The following DENND4C variants were observed in gnomAD, a reference collection of about 807,000 sequenced individuals.
DENND4C encodes DENN domain containing 4C, also known as DENN domain-containing protein 4C.
In DENND4C, 108 loss-of-function variants were observed where a neutral mutation model predicts 203.0. The ratio of observed to expected loss-of-function variants is 0.53; its 90% CI spans 0.46 to 0.62. The LOEUF is 0.62. Among genes scored for constraint, DENND4C ranks in the 20% least tolerant of loss-of-function variants. DENND4C has a pLI of 0.00. For synonymous variants in DENND4C, 871 were observed against 792.4 expected, an observed-to-expected ratio of 1.10 and a Z score of -1.67; for missense variants, 2,481 against 2,301.2, an observed-to-expected ratio of 1.08 and a Z score of -1.60.
chr9:19,321,618 G>A (rs1172367983), intron 12 of DENND4C, among the ~76,000 whole-genome samples: 3 of 152,198 alleles, frequency 2.0e-5, no homozygotes, highest in Admixed American at 6.5e-5. Context: ...GCTGAGGCAG[G>A]TGGATCACTT....
At chr9:19,230,575 C>G (rs1177323740), upstream of DENND4C, 1 of 152,170 alleles carries the variant, frequency 6.6e-6, no homozygotes, top group Non-Finnish European at 1.5e-5. Context: ...CGACGCGCCG[C>G]CCGCACTGTC....
At chr9:19,255,266 A>G (rs1039979102) in intron 1 of DENND4C, among the ~76,000 whole-genome samples, 1 of 151,952 alleles carries the variant, frequency 6.6e-6, no homozygotes, top group African/African-American at 2.4e-5. Flanking sequence ...TTAGCTGGAT[A>G]TGGTGGTGCG....
chr9:19,295,422 G>C (rs1198006373), intron 5 of DENND4C, among the ~76,000 whole-genome samples: 3 of 151,982 alleles, frequency 2.0e-5, no homozygotes, highest in Non-Finnish European at 4.4e-5. Flanking sequence ...GGAGAATGGC[G>C]TGAACCCAGG....
At chr9:19,342,807 T>A (rs1345959089) in intron 22 of DENND4C, 28 bp downstream of exon 22, 2 of 1,528,644 alleles carry the variant, frequency 1.3e-6, no homozygotes, top group South Asian at 2.6e-5. Context: ...GGTTATTAAA[T>A]ATTTAAAATA....
chr9:19,282,031 A>G (rs1043099529), intron 2 of DENND4C, among the ~76,000 whole-genome samples: 8 of 152,202 alleles, frequency 5.3e-5, no homozygotes, highest in African/African-American at 1.9e-4. Flanking sequence ...AAGGCCTAGG[A>G]CATTACTGTA....
At chr9:19,266,328 G>GT (rs1363897707) in intron 1 of DENND4C, among the ~76,000 whole-genome samples, 17 of 152,182 alleles carry the variant, frequency 1.1e-4, no homozygotes, top group Admixed American at 3.3e-4. Context: ...TTGTAAATTT[G>GT]TTTAAGTTCT....
chr9:19,262,036 A>G (rs1278012837), intron 1 of DENND4C, among the ~76,000 whole-genome samples: 2 of 114,980 alleles, frequency 1.7e-5, no homozygotes, highest in South Asian at 2.8e-4. Flanking sequence ...ATTTTTGTAT[A>G]TTGATTTTAT....
intron 31 of DENND4C, among the ~76,000 whole-genome samples, chr9:19,370,703 C>A (rs1563850990): frequency 1.3e-5 from 2 of 152,168 alleles, no homozygotes; most frequent in Admixed American, 1.3e-4. Context: ...CAGTGAACTA[C>A]AAAGGATATG....
rs2130960588 is a variant in DENND4C at position 19,279,308 on chromosome 9, A to G, written c.305+2829A>G. On this transcript the variant is annotated intron_variant, in intron 2 of 32. Coordinates refer to ENST00000434457, the MANE Select transcript of DENND4C (RefSeq NM_001330640.2). ...CACACCACTGCACTCCAGCCTCCCT[A>G]ATCCCAACGCTTTGGGAGGCTGAGG... Among the ~76,000 whole-genome samples, 2 of 151,572 alleles carry G rather than the reference A, an allele frequency of 1.3e-5. 1 individual carries two copies. The highest frequency in any genetic ancestry group is 1.3e-4 in the Admixed American group (2 of 15,202).
At chr9:19,299,376 T>C (rs1297505017) in intron 8 of DENND4C, 89 bp downstream of exon 8, 5 of 797,480 alleles carry the variant, frequency 6.3e-6, no homozygotes, top group African/African-American at 1.9e-5. Context: ...ATTAATATAT[T>C]AGTGATTGTT....
chr9:19,276,277 A>G lies in DENND4C; in HGVS notation c.103A>G (p.Lys35Glu). Residue 35 changes from lysine to glutamate, a missense_variant, in exon 2 of 33, where the codon AAG (lysine) becomes GAG (glutamate). Lys to Glu is a moderately conservative substitution (Grantham distance 56). Around this residue, in one of 3 missense-constraint regions of DENND4C, gnomAD observed 187 missense variants for 167.4 expected, o/e 1.12. Coordinates refer to ENST00000434457, the MANE Select transcript of DENND4C (RefSeq NM_001330640.2). ...LDQEINRLDT[K>E]STGPKAPITD... ...TCAAGAAATAAATCGTTTAGATACT[A>G]AGTCAACTGGACCTAAAGCTCCAAT... The G allele has an allele frequency of 1.6e-6, 2 of 1,232,024 alleles. No homozygotes were observed. Among genetic ancestry groups the G allele is most frequent in the Non-Finnish European group, 2.0e-6 (2 of 987,858 alleles). 76.3% of individuals were successfully genotyped at this position (1,232,024 alleles called of 1,614,324 possible).
rs776035832 is a variant in DENND4C at position 19,346,886 on chromosome 9, A to G, written c.4117A>G (p.Thr1373Ala). Residue 1373 changes from threonine (T) to alanine (A), a missense_variant, in exon 23 of 33, where the codon ACT (threonine) becomes GCT (alanine). This residue lies in a region of DENND4C where 2,289 missense variants were observed against 2,113.3 expected (regional missense o/e 1.08). Coordinates refer to ENST00000434457, the MANE Select transcript of DENND4C (RefSeq NM_001330640.2). ...CTCTCGAACTCATAAAGAACGTTCAACTTCTTTGTCAGCACTGGTGCGTTC... is the reference window on the plus strand; with the variant it reads ...CTCTCGAACTCATAAAGAACGTTCAGCTTCTTTGTCAGCACTGGTGCGTTC... The part of the protein sequence containing the change: ...TPSRTHKERS[T>A]SLSALVRSSP... 8 of 1,614,098 alleles carry G rather than the reference A, an allele frequency of 5.0e-6. No individual in the cohort carries two copies. Among genetic ancestry groups the G allele is most frequent in the African/African-American group, 1.3e-5 (1 of 74,934 alleles).
At position 19,358,278 on chromosome 9, in the gene DENND4C, T is replaced by C. The variant is rs1825804393; in HGVS notation, c.5160+118T>C. The C allele has an allele frequency of 1.2e-6, 1 of 828,336 alleles. No homozygotes were observed. Among genetic ancestry groups the C allele is most frequent in the Non-Finnish European group, 1.7e-6 (1 of 579,132 alleles). 51.3% of individuals were successfully genotyped at this position (828,336 alleles called of 1,614,324 possible). ...ATTACATGAAAAGTGATAGAGTTTT[T>C]CCATAAACAAATAACTTTTTATTGT... On this transcript the variant is annotated intron_variant, in intron 28 of 32. Transcript: ENST00000434457. This position sits in a 1 kb window ranked among gnomAD's most constrained non-coding sequence, Gnocchi z 4.8.
intron 1 of DENND4C, among the ~76,000 whole-genome samples, chr9:19,245,448 C>G (rs937128885): frequency 2.4e-5 from 3 of 125,598 alleles, no homozygotes; most frequent in African/African-American, 9.3e-5. Context: ...GCCTGGGCGA[C>G]AGAGTAAGAC....
rs1839435583 is a variant in DENND4C, at chr9:19,305,285, CTAGT to C, written c.1312-64_1312-61del. The C allele has an allele frequency of 2.1e-5, 29 of 1,378,392 alleles. 1 individual carries two copies. In the South Asian group the frequency reaches 3.2e-4, roughly 15 times the overall value. 85.4% of individuals were successfully genotyped at this position (1,378,392 alleles called of 1,614,324 possible). A position where few individuals can be genotyped will look rare whatever the true frequency, so the allele number is the denominator to read the frequency against. ...TTTCAGTGGTCCCTTTTCAGTAATA[CTAGT>C]TACTTATATATTTTTTATTGCAAAT... is the stretch of plus-strand genomic sequence containing the variant. On this transcript the variant is annotated intron_variant, in intron 9 of 32. Transcript: ENST00000434457.
chr9:19,282,709 TTCTC>T (rs202247189), intron 2 of DENND4C, among the ~76,000 whole-genome samples: 78 of 129,470 alleles, frequency 6.0e-4, no homozygotes, highest in Non-Finnish European at 9.8e-4. Context: ...TCTTTTTTTC[TTCTC>T]TCTTTTTTTT....
chr9:19,317,866 TTGGAAGACTTCG>T (rs1434163361), intron 12 of DENND4C, among the ~76,000 whole-genome samples: 2 of 152,362 alleles, frequency 1.3e-5, no homozygotes, highest in African/African-American at 4.8e-5. Context: ...AATGGGTGTT[TTGGAAGACTTCG>T]TGGAAGAAGC....
At chr9:19,369,157 T>A (rs1011917833) in intron 30 of DENND4C, among the ~76,000 whole-genome samples, 2 of 151,904 alleles carry the variant, frequency 1.3e-5, no homozygotes, top group Non-Finnish European at 2.9e-5. Flanking sequence ...ATTAAGTAAA[T>A]ACATTTTTAA....
chr9:19,356,818 TGAGA>T (rs927471173), intron 26 of DENND4C, among the ~76,000 whole-genome samples, 150 bp from the exon 27 acceptor site: 1 of 113,052 alleles, frequency 8.8e-6, no homozygotes, highest in Non-Finnish European at 1.8e-5. Flanking sequence ...AGAGAGAGAG[TGAGA>T]GTGTATTGGA....
Sources: allele counts gnomAD v4.1 joint callset (sites outside exome capture counted in the v4.1 genomes callset), GRCh38; gene constraint gnomAD v4.1.1; regional missense constraint gnomAD v4.1.1; non-coding constraint Gnocchi (gnomAD v3.1); transcripts MANE v1.5; gene names NCBI Gene and HGNC (gene_info 2026-07-23, HGNC 2026-07-21).